Variants in FSTL5 observed in about 807,000 individuals in gnomAD.
FSTL5 encodes the protein follistatin-related protein 5.
FSTL5 carries 62 observed loss-of-function variants against 89.1 expected under a neutral mutation model. The observed-to-expected ratio is 0.70, with a 90% CI of 0.57 to 0.86. FSTL5 has a LOEUF of 0.86. Among genes scored for constraint, FSTL5 ranks in the 40% least tolerant of loss-of-function variants. FSTL5 has a pLI of 0.00. For synonymous variants in FSTL5, 383 were observed against 346.2 expected (o/e 1.11, Z -1.18); for missense variants, 1,057 against 1,001.6 (o/e 1.06, Z -0.75).
At chr4:161,766,889 G>T (rs915016712) in intron 5 of FSTL5, among the ~76,000 whole-genome samples, 12 of 147,340 alleles carry the variant, frequency 8.1e-5, no homozygotes, top group South Asian at 4.4e-4. Flanking sequence ...CAGATAGATA[G>T]ACAATAGATG....
intron 11 of FSTL5, among the ~76,000 whole-genome samples, chr4:161,503,549 T>TA (rs1730374246): frequency 6.6e-6 from 1 of 151,626 alleles, no homozygotes; most frequent in Admixed American, 6.6e-5. Context: ...TGCCATTTAT[T>TA]ATGAAAACAA....
At chr4:161,869,630 G>T (rs1197555882) in intron 4 of FSTL5, among the ~76,000 whole-genome samples, 1 of 152,172 alleles carries the variant, frequency 6.6e-6, no homozygotes, top group Non-Finnish European at 1.5e-5. Context: ...GCATCTAATA[G>T]GTAGAGGTCA....
chr4:161,639,271 G>A (rs1369834738), intron 7 of FSTL5, among the ~76,000 whole-genome samples: 3 of 152,058 alleles, frequency 2.0e-5, no homozygotes, highest in African/African-American at 7.2e-5. Context: ...GTAATTAAAG[G>A]GTAATGAAAA....
At chr4:161,783,612 TTCTC>T (rs955946761) in intron 4 of FSTL5, among the ~76,000 whole-genome samples, 3 of 103,234 alleles carry the variant, frequency 2.9e-5, no homozygotes, top group African/African-American at 6.9e-5. Context: ...CTTTCTTTCT[TTCTC>T]TTTTTCTTTC....
In FSTL5 at chr4:162,111,320, C is replaced by T; in HGVS notation, c.77G>A (p.Gly26Glu). 1 of 1,612,034 alleles carries T rather than the reference C, an allele frequency of 6.2e-7. No homozygotes were observed. Among genetic ancestry groups the T allele is most frequent in the Non-Finnish European group, 8.5e-7 (1 of 1,178,452 alleles). ...LESEGRPTKE[G>E]GYGLKSYQPL... ...CTGATAGGATTTAAGGCCATATCCT[C>T]CTTCTTTGGTTGGCCTTCCTTCCGA... is the stretch of plus-strand genomic sequence containing the variant. Residue 26 changes from glycine (G) to glutamate (E), a missense_variant, in exon 2 of 16, where the codon GGA (glycine) becomes GAA (glutamate). By Grantham distance (98) the Gly-to-Glu change is moderately conservative. Transcript: ENST00000306100.
At chr4:162,112,495 C>T (rs534147858) in intron 1 of FSTL5, among the ~76,000 whole-genome samples, 10 of 152,216 alleles carry the variant, frequency 6.6e-5, no homozygotes, top group South Asian at 2.1e-4. Flanking sequence ...CTTCTCCTGC[C>T]GTGGCCTCCC....
intron 4 of FSTL5, among the ~76,000 whole-genome samples, chr4:161,902,529 A>G (rs1254904241): frequency 6.6e-6 from 1 of 152,182 alleles, no homozygotes; most frequent in Non-Finnish European, 1.5e-5. Context: ...GAATGAATGG[A>G]TTAAAACATA....
At chr4:161,889,282 G>C (rs979902955) in intron 4 of FSTL5, among the ~76,000 whole-genome samples, 5 of 152,046 alleles carry the variant, frequency 3.3e-5, no homozygotes, top group Middle Eastern at 3.2e-3. Flanking sequence ...GGAATACTTG[G>C]ATATGGTTTG....
At chr4:161,958,059 T>A (rs1483392613) in intron 3 of FSTL5, among the ~76,000 whole-genome samples, 1 of 152,080 alleles carries the variant, frequency 6.6e-6, no homozygotes, top group African/African-American at 2.4e-5. Context: ...TTTAGATAGT[T>A]TCTATTAGCA....
At chr4:161,639,968 T>G (rs1226490733) in intron 7 of FSTL5, among the ~76,000 whole-genome samples, 1 of 152,204 alleles carries the variant, frequency 6.6e-6, no homozygotes, top group Non-Finnish European at 1.5e-5. Context: ...TCCTTCATTT[T>G]TTTCTTTTTT....
intron 15 of FSTL5, among the ~76,000 whole-genome samples, chr4:161,449,205 A>C (rs1297033920): frequency 6.6e-6 from 1 of 152,158 alleles, no homozygotes; most frequent in Non-Finnish European, 1.5e-5. Flanking sequence ...ATACACTTGC[A>C]TGCACACATA....
At chr4:161,719,643 C>T (rs1739120903) in intron 6 of FSTL5, among the ~76,000 whole-genome samples, 1 of 152,108 alleles carries the variant, frequency 6.6e-6, no homozygotes, top group Non-Finnish European at 1.5e-5. Context: ...TGTGTGTCCG[C>T]TTTGATCTCT....
chr4:161,776,074 C>T lies in FSTL5; in HGVS notation c.410G>A (p.Gly137Glu), dbSNP rs866600591. 7.0e-7 allele frequency: 1 copy of T among 1,432,654 alleles called. No homozygotes were observed. Among genetic ancestry groups the T allele is most frequent in the South Asian group, 1.5e-5 (1 of 67,362 alleles). 88.7% of individuals were successfully genotyped at this position (1,432,654 alleles called of 1,614,324 possible). Residue 137 changes from glycine (G) to glutamate (E), a missense_variant and splice_region_variant, in exon 5 of 16, where the codon GGA becomes GAA. Physicochemically the swap from Gly to Glu is moderately conservative, Grantham distance 98. Transcript: ENST00000306100. ...GTATTCAGTAGTCTTGCACTTATCT[C>T]CTGTAACAAAAGAACTAGTTATTTT... is the stretch of plus-strand genomic sequence containing the variant. Reference protein sequence around the residue: ...IVHNEDCFFKGDKCKTTEYSK... With the variant: ...IVHNEDCFFKEDKCKTTEYSK...
At chr4:161,847,386 C>A (rs1731403337) in intron 4 of FSTL5, among the ~76,000 whole-genome samples, 1 of 152,104 alleles carries the variant, frequency 6.6e-6, no homozygotes, top group African/African-American at 2.4e-5. Context: ...CCATTACTAT[C>A]CCTATTTTAC....
chr4:161,501,240 A>G (rs772914564), intron 11 of FSTL5, among the ~76,000 whole-genome samples: 25 of 152,072 alleles, frequency 1.6e-4, no homozygotes, highest in Non-Finnish European at 3.5e-4. Context: ...AGCATTATTA[A>G]TTTTTTTCAA....
intron 8 of FSTL5, among the ~76,000 whole-genome samples, chr4:161,548,314 T>C (rs539444510): frequency 6.6e-6 from 1 of 152,000 alleles, no homozygotes; most frequent in East Asian, 1.9e-4. Context: ...GTCTCGTATG[T>C]ACTGTTCAAT....
intron 3 of FSTL5, among the ~76,000 whole-genome samples, chr4:161,974,296 G>A (rs189679607): frequency 8.7e-4 from 132 of 152,132 alleles, no homozygotes; most frequent in African/African-American, 2.6e-3. Context: ...AGCCCGCATC[G>A]CCAAGTAAGC....
At chr4:161,659,705 C>A (rs1415960657) in intron 6 of FSTL5, among the ~76,000 whole-genome samples, 2 of 152,092 alleles carry the variant, frequency 1.3e-5, no homozygotes, top group African/African-American at 4.8e-5. Flanking sequence ...TAAATTGCCT[C>A]TGAGTGTGTG....
chr4:161,443,651 C>A (rs951839417), intron 15 of FSTL5, among the ~76,000 whole-genome samples: 2 of 151,864 alleles, frequency 1.3e-5, no homozygotes, highest in Admixed American at 1.3e-4. Context: ...GGTTGAATGC[C>A]TTCAACACAA....
Sources: gnomAD v4.1 joint callset for allele counts (sites outside exome capture counted in the v4.1 genomes callset) on GRCh38, gnomAD v4.1.1 for gene constraint, MANE v1.5 for transcripts, NCBI Gene and HGNC (gene_info 2026-07-23, HGNC 2026-07-21) for gene names.